Variants in PADI6 observed in about 807,000 individuals in gnomAD.
PADI6 encodes peptidyl arginine deiminase 6, also known as inactive protein-arginine deiminase type-6.
A neutral mutation model predicts 78.2 loss-of-function variants in PADI6; 66 were observed. That is an observed-to-expected ratio of 0.84 (90% CI 0.69 to 1.04). The LOEUF is 1.04. Among genes scored for constraint, PADI6 ranks in the 50% least tolerant of loss-of-function variants. PADI6 has a pLI of 0.00. For missense variants in PADI6, 854 were observed against 866.1 expected (o/e 0.99, Z 0.18); for synonymous variants, 397 against 346.9 (o/e 1.14, Z -1.60).
intron 5 of PADI6, among the ~76,000 whole-genome samples, 177 bp from the exon 6 acceptor site, chr1:17,381,790 C>G (rs2075075295): frequency 6.6e-6 from 1 of 152,152 alleles, no homozygotes; most frequent in Non-Finnish European, 1.5e-5. Context: ...TGCAGCTTGC[C>G]TGTAGCCACC....
intron 3 of PADI6, 125 bp from the exon 4 acceptor site, chr1:17,379,795 T>C: frequency 2.7e-6 from 2 of 736,822 alleles, no homozygotes; most frequent in East Asian, 2.7e-5. Flanking sequence ...TCTAAGCTGA[T>C]AGCATGCCAG....
At chr1:17,383,849 A>C (rs1427882772) in intron 6 of PADI6, among the ~76,000 whole-genome samples, 1 of 151,664 alleles carries the variant, frequency 6.6e-6, no homozygotes, top group Admixed American at 6.6e-5. Context: ...TTTTAAAAAA[A>C]CTTATTCAAC....
At chr1:17,385,988 C>T (rs1007975673) in intron 6 of PADI6, among the ~76,000 whole-genome samples, 6 of 152,178 alleles carry the variant, frequency 3.9e-5, no homozygotes, top group Admixed American at 6.5e-5. Flanking sequence ...GAGCCTGCTA[C>T]GACAGATGGA....
At chr1:17,372,516 G>T (rs1313245656) in intron 1 of PADI6, among the ~76,000 whole-genome samples, 155 bp downstream of exon 1, 3 of 152,172 alleles carry the variant, frequency 2.0e-5, no homozygotes. Context: ...GGGCCTCCCA[G>T]TTCCAACCAC....
At chr1:17,394,494 G>GA (rs746566247) in intron 11 of PADI6, 40 bp downstream of exon 11, 2 of 1,591,592 alleles carry the variant, frequency 1.3e-6, no homozygotes, top group East Asian at 2.3e-5. Flanking sequence ...GAAAGGAAGG[G>GA]ACCATGGTCG....
chr1:17,382,109 C>T lies in PADI6; in HGVS notation c.679+17C>T, dbSNP rs1211389754. 2 of 1,612,222 alleles carry T rather than the reference C, an allele frequency of 1.2e-6. No individual in the cohort carries two copies. The highest frequency in any genetic ancestry group is 8.5e-7 in the Non-Finnish European group (1 of 1,178,888). On this transcript the variant is annotated intron_variant, in intron 6 of 15. Transcript: ENST00000619609. ...GGCCCCAAAGTGAGTGTTCTTGTGC[C>T]AGCTCCAGCTTTGCCTGCTCTCGAC...
chr1:17,388,961 T>C, intron 8 of PADI6, 81 bp downstream of exon 8: 1 of 1,122,526 alleles, frequency 8.9e-7, no homozygotes, highest in Non-Finnish European at 1.3e-6. Flanking sequence ...GCAGGGTGGG[T>C]GAAGATGACT....
In PADI6 at chr1:17,401,391, A is replaced by C. The variant is rs2075300169; in HGVS notation, c.2038A>C (p.Ile680Leu). 3.1e-6 allele frequency: 5 copies of C among 1,614,058 alleles called. No homozygotes were observed. The highest frequency in any genetic ancestry group is 4.2e-6 in the Non-Finnish European group (5 of 1,179,894). ...CGGAGACATCTGTGCCTGTGCCAAC[A>C]TCCGCCGGGTGCCCTTTGCCTTCAA... ...EVGDICACANIRRVPFAFKWW... is the reference protein window; with the variant it reads ...EVGDICACANLRRVPFAFKWW... The change falls in exon 16 of 16, where the codon ATC (isoleucine) becomes CTC (leucine). Residue 680 changes from isoleucine to leucine, a missense_variant. Ile to Leu is a conservative substitution (Grantham distance 5, BLOSUM62 2). Coordinates refer to ENST00000619609, the MANE Select transcript of PADI6 (RefSeq NM_207421.4).
At chr1:17,375,985 C>CT (rs1320572379) in intron 3 of PADI6, among the ~76,000 whole-genome samples, 4 of 150,246 alleles carry the variant, frequency 2.7e-5, no homozygotes, top group East Asian at 1.9e-4. Flanking sequence ...CTTTTTTTTT[C>CT]TTTTTTTTCT....
intron 15 of PADI6, among the ~76,000 whole-genome samples, chr1:17,399,526 CAG>C (rs761237024): frequency 7.2e-5 from 11 of 151,922 alleles, no homozygotes; most frequent in Non-Finnish European, 4.4e-5. Flanking sequence ...ACCCCGGAGA[CAG>C]AGGTTGCATT....
chr1:17,376,539 T>A (rs1204865), intron 3 of PADI6, among the ~76,000 whole-genome samples: 142,617 of 150,692 alleles, frequency 0.95, 67,632 homozygotes, highest in East Asian at 0.99. Context: ...TAGTGGGCTA[T>A]TTTTTTTGTA....
In PADI6 at chr1:17,401,243, C is replaced by T. The variant is rs1296427245; in HGVS notation, c.1890C>T (p.Pro630=). The T allele has an allele frequency of 6.2e-7, 1 of 1,614,050 alleles. No individual in the cohort carries two copies. Among genetic ancestry groups the T allele is most frequent in the Admixed American group, 1.7e-5 (1 of 60,030 alleles). Residue 630 remains proline (P), a synonymous_variant, in exon 16 of 16, where the codon CCC becomes CCT. Transcript: ENST00000619609. ...MIVMGKNLGI[P]KPFGPQIKGT... ...TGATGGGCAAGAACCTGGGGATCCC[C>T]AAGCCTTTTGGGCCCCAAATCAAGG...
rs564559103 is a variant in PADI6, at chr1:17,392,077, G to A, written c.963-37G>A. The A allele has an allele frequency of 3.0e-4, 461 of 1,536,018 alleles. 1 individual carries two copies. In the South Asian group the frequency reaches 4.5e-3, roughly 15 times the overall value. ...AGGTCATAACCAGTAAGGGACCTTCGAAAGCCTTCCCAGAACTGGCTTCTC... is the reference window on the plus strand; with the variant it reads ...AGGTCATAACCAGTAAGGGACCTTCAAAAGCCTTCCCAGAACTGGCTTCTC... On this transcript the variant is annotated intron_variant, in intron 8 of 15. Transcript: ENST00000619609.
In PADI6 at chr1:17,373,210, A is replaced by G. The variant is rs935903028; in HGVS notation, c.271A>G (p.Ser91Gly). The change falls in exon 2 of 16, where the codon AGC becomes GGC. Residue 91 changes from serine (S) to glycine (G), a missense_variant. By Grantham distance (56) the Ser-to-Gly change is moderately conservative. Transcript: ENST00000619609. The stretch of plus-strand genomic sequence containing the variant: ...CGCCACAGTGAAGATGACATCGCCC[A>G]GCCCTTCCGTGGATGCGGATAAGGT... ...TYATVKMTSP[S>G]PSVDADKVSV... 2 of 1,613,962 alleles carry G rather than the reference A, an allele frequency of 1.2e-6. No homozygotes were observed. The highest frequency in any genetic ancestry group is 8.5e-7 in the Non-Finnish European group (1 of 1,179,858).
chr1:17,398,569 G>A (rs1487989352), intron 14 of PADI6, 117 bp from the exon 15 acceptor site: 3 of 639,476 alleles, frequency 4.7e-6, no homozygotes, highest in South Asian at 1.9e-5. Context: ...CAAGTGATGG[G>A]GATGGTAGTG....
At position 17,395,630 on chromosome 1, in the gene PADI6, G is replaced by C; in HGVS notation, c.1585G>C (p.Asp529His). Residue 529 changes from aspartate to histidine, a missense_variant, in exon 13 of 16, where the codon GAT (aspartate) becomes CAT (histidine). Coordinates refer to ENST00000619609, the MANE Select transcript of PADI6 (RefSeq NM_207421.4). ...AGGCTATGGCGACGCTCTTCTGTTT[G>C]ATGAGCTTAGAGCAGATCAGCTCCT... ...KEGYGDALLFDELRADQLLSN... is the reference protein window; with the variant it reads ...KEGYGDALLFHELRADQLLSN... 1 of 1,610,662 alleles carries C rather than the reference G, an allele frequency of 6.2e-7. No homozygotes were observed. The highest frequency in any genetic ancestry group is 8.5e-7 in the Non-Finnish European group (1 of 1,178,528).
rs566564369 is a variant in PADI6, at chr1:17,374,469, T to C, written c.295-958T>C. On this transcript the variant is annotated intron_variant, in intron 2 of 15. Transcript: ENST00000619609. Reference sequence around the variant, plus strand: ...GGTGAAACGCTGTCTCTACTAAAAATACAAAAATTAGCCAGGTGTGGTGGC... The same window carrying C: ...GGTGAAACGCTGTCTCTACTAAAAACACAAAAATTAGCCAGGTGTGGTGGC... Among the ~76,000 whole-genome samples, 5 of 151,826 alleles carry C rather than the reference T, an allele frequency of 3.3e-5. No homozygotes were observed. In the South Asian group the frequency reaches 1.0e-3, roughly 32 times the overall value.
chr1:17,395,157 G>A (rs780820750), intron 12 of PADI6, 50 bp downstream of exon 12: 48 of 1,555,776 alleles, frequency 3.1e-5, no homozygotes, highest in Non-Finnish European at 4.1e-5. Context: ...CCTTCTGTTG[G>A]GGAATCTTGG....
chr1:17,375,831 C>T (rs1406090127), intron 3 of PADI6, among the ~76,000 whole-genome samples: 1 of 152,138 alleles, frequency 6.6e-6, no homozygotes, highest in Non-Finnish European at 1.5e-5. Flanking sequence ...CGCATCTGGT[C>T]CAAAGTTAGT....
Sources: gnomAD v4.1 joint callset for allele counts (sites outside exome capture counted in the v4.1 genomes callset) on GRCh38, gnomAD v4.1.1 for gene constraint, MANE v1.5 for transcripts, NCBI Gene and HGNC (gene_info 2026-07-23, HGNC 2026-07-21) for gene names.